UGGT1: variants seen among roughly 807,000 people sequenced by gnomAD.
UGGT1 encodes UDP-glucose:glycoprotein glucosyltransferase 1.
A neutral mutation model predicts 203.9 loss-of-function variants in UGGT1; 107 were observed. The ratio of observed to expected loss-of-function variants is 0.52; its 90% CI spans 0.45 to 0.62. The LOEUF (loss-of-function observed/expected upper bound fraction) is 0.62, where lower values mean the gene tolerates loss of function less well. Among genes scored for constraint, UGGT1 ranks in the 20% least tolerant of loss-of-function variants. UGGT1 has a pLI of 0.00. For missense variants in UGGT1, 1,673 were observed against 1,867.2 expected (o/e 0.90, Z 1.92); for synonymous variants, 628 against 653.5 (o/e 0.96, Z 0.59).
At chr2:128,150,609 A>G in intron 18 of UGGT1, among the ~76,000 whole-genome samples, 1 of 151,076 alleles carries the variant, frequency 6.6e-6, no homozygotes. Context: ...ATGTGTGTGT[A>G]TACAAGGGCT....
intron 21 of UGGT1, 102 bp from the exon 22 acceptor site, chr2:128,157,150 A>G (rs947931902): frequency 1.2e-6 from 1 of 826,824 alleles, no homozygotes; most frequent in Non-Finnish European, 2.0e-6. Flanking sequence ...TTCTTTTTGC[A>G]TGGTTCTTAC....
At chr2:128,164,662 A>G (rs1013652709) in intron 25 of UGGT1, 68 bp from the exon 26 acceptor site, 6 of 1,298,104 alleles carry the variant, frequency 4.6e-6, no homozygotes, top group African/African-American at 1.5e-5. Flanking sequence ...GGCTGATGAT[A>G]TGTTTGGCAA....
chr2:128,151,247 G>A, intron 18 of UGGT1: 1 of 596,530 alleles, frequency 1.7e-6, no homozygotes, highest in Non-Finnish European at 3.2e-6. Context: ...TTTTGTTTCT[G>A]CTTGAAAGTC....
intron 11 of UGGT1, 113 bp downstream of exon 11, chr2:128,123,359 T>C: frequency 1.1e-6 from 1 of 917,766 alleles, no homozygotes; most frequent in Non-Finnish European, 1.6e-6. Flanking sequence ...TCTAAGATGG[T>C]GATTTTTTCA....
At chr2:128,119,481 A>G (rs1194916329) in intron 8 of UGGT1, among the ~76,000 whole-genome samples, 1 of 152,160 alleles carries the variant, frequency 6.6e-6, no homozygotes, top group Non-Finnish European at 1.5e-5. Flanking sequence ...TAAAAGAAAA[A>G]AGTAATGTAC....
chr2:128,107,601 C>G (rs2105355189), intron 3 of UGGT1, among the ~76,000 whole-genome samples: 2 of 152,224 alleles, frequency 1.3e-5, no homozygotes, highest in Middle Eastern at 6.8e-3. Flanking sequence ...TTTAACTGGT[C>G]CATTGAAGCA....
chr2:128,145,665 G>T, intron 17 of UGGT1, 138 bp from the exon 18 acceptor site: 2 of 818,800 alleles, frequency 2.4e-6, no homozygotes, highest in Non-Finnish European at 3.5e-6. Flanking sequence ...TTTTTAAAAA[G>T]AAATATCTTG....
intron 1 of UGGT1, among the ~76,000 whole-genome samples, chr2:128,096,389 C>T (rs923087390): frequency 6.6e-6 from 1 of 152,216 alleles, no homozygotes; most frequent in African/African-American, 2.4e-5. Flanking sequence ...TGCTAGAAAT[C>T]CTTACTCAGG....
At chr2:128,173,533 A>G (rs1331939575) in intron 29 of UGGT1, among the ~76,000 whole-genome samples, 1 of 152,170 alleles carries the variant, frequency 6.6e-6, no homozygotes, top group Non-Finnish European at 1.5e-5. Flanking sequence ...GCCACGATGC[A>G]GAACATTTCC....
chr2:128,186,614 A>G lies in UGGT1; in HGVS notation c.4360-69A>G, dbSNP rs578145581. The G allele has an allele frequency of 2.2e-6, 3 of 1,346,612 alleles. No individual in the cohort carries two copies. In the South Asian group the frequency reaches 3.8e-5, roughly 17 times the overall value. 83.4% of individuals were successfully genotyped at this position (1,346,612 alleles called of 1,614,324 possible). ...AGAGTGGGACCCCATCTCTCAATAAATAAATAAATAAATATCGCCAGAACT... is the reference window on the plus strand; with the variant it reads ...AGAGTGGGACCCCATCTCTCAATAAGTAAATAAATAAATATCGCCAGAACT... On this transcript the variant is annotated intron_variant, in intron 38 of 40. Coordinates refer to ENST00000259253, the MANE Select transcript of UGGT1 (RefSeq NM_020120.4).
chr2:128,155,754 T>C (rs546913140), intron 20 of UGGT1, among the ~76,000 whole-genome samples, 167 bp downstream of exon 20: 1 of 152,278 alleles, frequency 6.6e-6, no homozygotes, highest in South Asian at 2.1e-4. Flanking sequence ...GTTTAATTCT[T>C]TGTATATTTG....
At chr2:128,166,432 C>T (rs1173613528) in intron 26 of UGGT1, among the ~76,000 whole-genome samples, 1 of 152,212 alleles carries the variant, frequency 6.6e-6, no homozygotes, top group East Asian at 1.9e-4. Context: ...GTACTGTTAG[C>T]TGACCTCAGA....
At chr2:128,147,702 C>T (rs1186646064) in intron 18 of UGGT1, among the ~76,000 whole-genome samples, 4 of 152,004 alleles carry the variant, frequency 2.6e-5, no homozygotes, top group Non-Finnish European at 5.9e-5. Flanking sequence ...CCTCCAACTC[C>T]TGGACTTAAA....
At chr2:128,111,730 C>T (rs1040065321) in intron 5 of UGGT1, among the ~76,000 whole-genome samples, 15 of 151,780 alleles carry the variant, frequency 9.9e-5, no homozygotes, top group Non-Finnish European at 5.9e-5. Flanking sequence ...CTCCTGACCT[C>T]GTGATCCGCC....
intron 3 of UGGT1, among the ~76,000 whole-genome samples, chr2:128,106,866 A>G (rs1469076234): frequency 6.6e-6 from 1 of 151,976 alleles, no homozygotes; most frequent in African/African-American, 2.4e-5. Flanking sequence ...TATTTTTTTT[A>G]AAAAGAGACG....
At chr2:128,108,593 A>G (rs1687710856) in intron 4 of UGGT1, among the ~76,000 whole-genome samples, 2 of 152,234 alleles carry the variant, frequency 1.3e-5, no homozygotes, top group African/African-American at 2.4e-5. Context: ...AGATGTCTTC[A>G]CCAACTTGAT....
chr2:128,121,342 A>G (rs1377042246), intron 10 of UGGT1, 44 bp downstream of exon 10: 1 of 1,393,280 alleles, frequency 7.2e-7, no homozygotes. Context: ...ATACCCAGTC[A>G]TCGTCATGTT....
At chr2:128,132,995 C>A in intron 13 of UGGT1, 146 bp from the exon 14 acceptor site, 1 of 1,002,260 alleles carries the variant, frequency 1.0e-6, no homozygotes, top group South Asian at 1.6e-5. Flanking sequence ...ATGTGAGCCA[C>A]TCACTGCAGC....
chr2:128,103,270 C>T (rs754675987), intron 2 of UGGT1: 2 of 284,038 alleles, frequency 7.0e-6, no homozygotes, highest in Non-Finnish European at 1.5e-5. Context: ...CGTGCATTTC[C>T]TCGTAGGGGT....
Sources: allele counts gnomAD v4.1 joint callset (sites outside exome capture counted in the v4.1 genomes callset), GRCh38; gene constraint gnomAD v4.1.1; transcripts MANE v1.5; gene names NCBI Gene and HGNC (gene_info 2026-07-23, HGNC 2026-07-21).